The following RBM10 variants were observed in gnomAD, a reference collection of about 807,000 sequenced individuals.
RBM10 encodes the protein RNA binding motif protein 10.
Under a neutral mutation model 84.9 loss-of-function variants are expected in RBM10, and 1 was observed. The ratio of observed to expected loss-of-function variants is 0.01; its 90% CI spans 0.00 to 0.06. RBM10 has a LOEUF of 0.06. RBM10 is among the 10% of genes least tolerant of loss of function. RBM10 has a pLI of 1.00. For synonymous variants in RBM10, 326 were observed against 344.5 expected (o/e 0.95, Z 0.60); for missense variants, 438 against 839.0 (o/e 0.52, Z 5.90).
At chrX:47,184,086 A>T (rs1408663508) in intron 17 of RBM10, among the ~76,000 whole-genome samples, 6 of 111,908 alleles carry the variant, frequency 5.4e-5, no homozygotes, top group Admixed American at 4.7e-4. Flanking sequence ...TTTGTGACCT[A>T]ATCACCTCTG....
intron 2 of RBM10, among the ~76,000 whole-genome samples, chrX:47,164,844 A>G (rs1031594348): frequency 2.7e-5 from 3 of 112,518 alleles, no homozygotes; most frequent in African/African-American, 9.7e-5. Flanking sequence ...CGTTATTCAC[A>G]ATGTCCAAAA....
At chrX:47,146,656 T>C in intron 1 of RBM10, among the ~76,000 whole-genome samples, 1 of 110,451 alleles carries the variant, frequency 9.1e-6, no homozygotes, top group East Asian at 2.9e-4. Context: ...AAAGGGCCCC[T>C]TTTGCCTCTG....
intron 2 of RBM10, among the ~76,000 whole-genome samples, chrX:47,151,405 C>A (rs1393167302): frequency 1.8e-5 from 2 of 111,821 alleles, no homozygotes; most frequent in Non-Finnish European, 3.8e-5. Context: ...GCTGTATGCC[C>A]TTATTATTTC....
chrX:47,154,192 G>A (rs190202116), intron 2 of RBM10, among the ~76,000 whole-genome samples: 1 of 111,932 alleles, frequency 8.9e-6, no homozygotes, highest in East Asian at 2.8e-4. Flanking sequence ...ATTCAGTCCA[G>A]CATCCTAGAA....
intron 6 of RBM10, among the ~76,000 whole-genome samples, chrX:47,175,370 AAG>A (rs1556775641): frequency 9.1e-6 from 1 of 110,223 alleles, no homozygotes; most frequent in Admixed American, 9.6e-5. Flanking sequence ...CGTTCAGAGA[AAG>A]AGCTGCCAGG....
intron 2 of RBM10, among the ~76,000 whole-genome samples, chrX:47,165,587 G>A (rs1174299412): frequency 1.8e-5 from 2 of 110,215 alleles, no homozygotes; most frequent in Non-Finnish European, 3.8e-5. Context: ...GGGAGGCTGA[G>A]GCAGGCGGAT....
intron 17 of RBM10, 75 bp from the exon 18 acceptor site, chrX:47,184,980 G>C: frequency 9.0e-7 from 1 of 1,110,725 alleles, no homozygotes; most frequent in Non-Finnish European, 1.2e-6. Flanking sequence ...ATGCAGGGCA[G>C]TGGGTCAGCA....
chrX:47,168,434 A>G (rs1278242751), intron 2 of RBM10, among the ~76,000 whole-genome samples: 2 of 110,899 alleles, frequency 1.8e-5, no homozygotes, highest in African/African-American at 3.3e-5. Context: ...TGTGGTCCCA[A>G]CTACTCAGGA....
intron 8 of RBM10, 71 bp downstream of exon 8, chrX:47,179,234 T>G (rs1935356981): frequency 8.4e-7 from 1 of 1,190,453 alleles, no homozygotes; most frequent in Non-Finnish European, 1.1e-6. Flanking sequence ...GAGGGGTCTG[T>G]GCTCAGGGCT....
intron 2 of RBM10, among the ~76,000 whole-genome samples, chrX:47,153,221 T>TAACAA (rs200446249): frequency 0.082 from 9,147 of 111,551 alleles, 936 homozygotes; most frequent in African/African-American, 0.28. Context: ...ACAATATACT[T>TAACAA]ATCAATATCA....
chrX:47,162,341 T>A (rs1215442831), intron 2 of RBM10, among the ~76,000 whole-genome samples: 2 of 112,470 alleles, frequency 1.8e-5, no homozygotes, highest in Non-Finnish European at 3.8e-5. Context: ...CTGTTTTCCA[T>A]ACAGTCTTGC....
chrX:47,171,079 C>G lies in RBM10; in HGVS notation c.253C>G (p.Arg85Gly). 8.3e-7 allele frequency: 1 copy of G among 1,210,574 alleles called. No individual in the cohort carries two copies. The highest frequency in any genetic ancestry group is 2.2e-5 in the Admixed American group (1 of 46,030). ...CGAGACTCAGCGTAGGCGGCGGCGGCGGCACAGGCACAGCCCCACCGGCCC... is the reference window on the plus strand; with the variant it reads ...CGAGACTCAGCGTAGGCGGCGGCGGGGGCACAGGCACAGCCCCACCGGCCC... ...GSETQRRRRR[R>G]HRHSPTGPPG... The change falls in exon 4 of 24, where the codon CGG becomes GGG. Residue 85 changes from arginine to glycine, a missense_variant. Coordinates refer to ENST00000377604, the MANE Select transcript of RBM10 (RefSeq NM_005676.5).
intron 7 of RBM10, among the ~76,000 whole-genome samples, chrX:47,177,425 T>A (rs1224115174): frequency 8.9e-6 from 1 of 111,811 alleles, no homozygotes; most frequent in Non-Finnish European, 1.9e-5. Context: ...GGGCCAGCAT[T>A]GTGATTCCAC....
At chrX:47,174,342 G>A (rs1934949048) in intron 5 of RBM10, among the ~76,000 whole-genome samples, 1 of 111,423 alleles carries the variant, frequency 9.0e-6, no homozygotes, top group Non-Finnish European at 1.9e-5. Context: ...AGGGGAACCT[G>A]GACTGTTTGT....
At chrX:47,161,626 C>T (rs1164918476) in intron 2 of RBM10, among the ~76,000 whole-genome samples, 2 of 104,392 alleles carry the variant, frequency 1.9e-5, no homozygotes, top group African/African-American at 7.1e-5. Context: ...GACCTCCTGG[C>T]CTCAAGTGAT....
chrX:47,155,514 C>T (rs374614384), intron 2 of RBM10, among the ~76,000 whole-genome samples: 1 of 109,040 alleles, frequency 9.2e-6, no homozygotes, highest in East Asian at 2.9e-4. Context: ...GGGCAGATCA[C>T]GAGGTCAGGA....
intron 4 of RBM10, among the ~76,000 whole-genome samples, chrX:47,172,517 G>A (rs1290095080): frequency 8.9e-6 from 1 of 112,118 alleles, no homozygotes; most frequent in Non-Finnish European, 1.9e-5. Context: ...TGCCTCTGCA[G>A]TTTCCCTCTG....
chrX:47,176,464 T>C (rs781854497), intron 6 of RBM10, 36 bp from the exon 7 acceptor site: 1 of 1,210,725 alleles, frequency 8.3e-7, no homozygotes, highest in East Asian at 3.0e-5. Flanking sequence ...GGGGCACTGC[T>C]GCCTGGACCT....
chrX:47,147,790 G>A (rs1556762581), intron 2 of RBM10, among the ~76,000 whole-genome samples: 1 of 110,790 alleles, frequency 9.0e-6, no homozygotes, highest in Admixed American at 9.7e-5. Flanking sequence ...ATAGCCTGGG[G>A]TATGAGGGAT....
Sources: gnomAD v4.1 joint callset for allele counts (sites outside exome capture counted in the v4.1 genomes callset) on GRCh38, gnomAD v4.1.1 for gene constraint, MANE v1.5 for transcripts, NCBI Gene and HGNC (gene_info 2026-07-23, HGNC 2026-07-21) for gene names.